Variants in SMC1B observed in about 807,000 individuals in gnomAD.
SMC1B encodes the protein structural maintenance of chromosomes 1B.
In SMC1B, 60 loss-of-function variants were observed where a neutral mutation model predicts 157.9. The observed-to-expected ratio is 0.38, with a 90% CI of 0.31 to 0.47. SMC1B has a LOEUF of 0.47. Ranked by LOEUF, SMC1B falls within the 20% of genes least tolerant of loss-of-function variation. SMC1B has a pLI of 0.99. For missense variants in SMC1B, 1,165 were observed against 1,426.2 expected, an observed-to-expected ratio of 0.82 and a Z score of 2.95; for synonymous variants, 445 against 483.0, an observed-to-expected ratio of 0.92 and a Z score of 1.03.
rs1326060327 is a variant in SMC1B at position 45,353,909 on chromosome 22, A to AC, written c.3273+68_3273+69insG. 1.3e-4 allele frequency: 90 copies of AC among 684,088 alleles called. 2 individuals carry two copies. In the Middle Eastern group the frequency reaches 2.9e-3, roughly 22 times the overall value. The allele number at this position is 684,088 out of a possible 1,614,324, so 42.4% of individuals were successfully genotyped here. On this transcript the variant is annotated intron_variant, in intron 21 of 24. Transcript: ENST00000357450. Reference sequence around the variant, plus strand: ...ATTTCCCACCAAAAAAAAAAAAAAAAAAAAAAAAAAACAACCACCACCGGT... The same window carrying AC: ...ATTTCCCACCAAAAAAAAAAAAAAAACAAAAAAAAAAACAACCACCACCGGT...
intron 10 of SMC1B, among the ~76,000 whole-genome samples, chr22:45,388,018 G>A (rs1440937037): frequency 2.8e-5 from 4 of 143,290 alleles, no homozygotes; most frequent in African/African-American, 1.1e-4. Flanking sequence ...GGTAACAAGG[G>A]TGAGCCTCTG....
chr22:45,379,742 T>G (rs1352032447), intron 12 of SMC1B, among the ~76,000 whole-genome samples: 2 of 145,302 alleles, frequency 1.4e-5, no homozygotes, highest in Non-Finnish European at 3.0e-5. Context: ...TTTTTTTTTT[T>G]TTTGAGACAG....
intron 10 of SMC1B, among the ~76,000 whole-genome samples, chr22:45,388,195 TAATAA>T (rs1470218678): frequency 2.0e-5 from 3 of 152,250 alleles, no homozygotes; most frequent in African/African-American, 7.2e-5. Context: ...TCTCACTTTT[TAATAA>T]AACAAAACAA....
In SMC1B at chr22:45,383,533, T is replaced by C. The variant is rs748922616; in HGVS notation, c.1992A>G (p.Arg664=). Residue 664 remains arginine, a synonymous_variant, in exon 12 of 25, where the codon AGA becomes AGG. Coordinates refer to ENST00000357450, the MANE Select transcript of SMC1B (RefSeq NM_148674.5). ...TCTTTAACTCTTTCTCATCCCAGCA[T>C]CTAGCCTTGTATTTTAAGTCACTTG... is the stretch of plus-strand genomic sequence containing the variant. ...GGSSDLKYKA[R]CWDEKELKNL... The C allele has an allele frequency of 8.1e-6, 13 of 1,610,548 alleles. No individual in the cohort carries two copies. Among genetic ancestry groups the C allele is most frequent in the Admixed American group, 1.7e-5 (1 of 58,796 alleles).
At chr22:45,404,691 TGGAAGCCCTGGCTCCCCC>T (rs1338466094) in intron 4 of SMC1B, among the ~76,000 whole-genome samples, 1 of 46,792 alleles carries the variant, frequency 2.1e-5, no homozygotes, top group Non-Finnish European at 3.4e-5. Flanking sequence ...ACCTATAACC[TGGAAGCCCTGGCTCCCCC>T]TCCTTTCCAG....
intron 19 of SMC1B, among the ~76,000 whole-genome samples, chr22:45,356,449 T>G (rs1015428200): frequency 1.3e-5 from 2 of 152,228 alleles, no homozygotes; most frequent in Non-Finnish European, 2.9e-5. Context: ...TAGTTTATTT[T>G]ACCAAGGTTA....
In SMC1B at chr22:45,413,520, C is replaced by A. The variant is rs751922372; in HGVS notation, c.48G>T (p.Arg16=). 1.2e-6 allele frequency: 2 copies of A among 1,612,182 alleles called. No individual in the cohort carries two copies. The highest frequency in any genetic ancestry group is 2.7e-5 in the African/African-American group (2 of 74,912). Residue 16 remains arginine, a synonymous_variant, in exon 1 of 25, where the codon CGG becomes CGT. Transcript: ENST00000357450. ...LLLVENFKSW[R]GRQVIGPFRR... ...GGAAGGGGCCAATGACCTGGCGGCC[C>A]CGCCACGACTTGAAATTTTCCACAA... is the stretch of plus-strand genomic sequence containing the variant.
At chr22:45,345,413 G>T in intron 24 of SMC1B, 46 bp downstream of exon 24, 1 of 1,188,204 alleles carries the variant, frequency 8.4e-7, no homozygotes. Context: ...GGTACTAAGG[G>T]AAGTTGGCAT....
intron 15 of SMC1B, among the ~76,000 whole-genome samples, chr22:45,366,675 A>T (rs963542280): frequency 2.6e-5 from 4 of 152,210 alleles, no homozygotes; most frequent in Non-Finnish European, 5.9e-5. Flanking sequence ...AGGTGCATGG[A>T]TCACCTGAGG....
intron 15 of SMC1B, among the ~76,000 whole-genome samples, chr22:45,366,599 T>C (rs1327669631): frequency 1.3e-5 from 2 of 152,054 alleles, no homozygotes; most frequent in Non-Finnish European, 2.9e-5. Flanking sequence ...GGCTTGAAAA[T>C]ACATTAAGTA....
In SMC1B at chr22:45,344,497, C is replaced by A; in HGVS notation, c.*59G>T. ...GCTCCAGAAGTCTCCTGTGGAGGAG[C>A]TGTGTGAGTATTAGAGTGGGAACTG... On this transcript the variant is annotated 3_prime_UTR_variant, in exon 25 of 25. Transcript: ENST00000357450. 8.3e-7 allele frequency: 1 copy of A among 1,211,004 alleles called. No homozygotes were observed. Among genetic ancestry groups the A allele is most frequent in the Non-Finnish European group, 1.2e-6 (1 of 817,112 alleles). 75.0% of individuals were successfully genotyped at this position (1,211,004 alleles called of 1,614,324 possible).
chr22:45,359,130 T>C (rs993431956), intron 18 of SMC1B, among the ~76,000 whole-genome samples: 8 of 152,106 alleles, frequency 5.3e-5, no homozygotes, highest in Admixed American at 5.2e-4. Context: ...GAGGCATGCA[T>C]GTATATGGGA....
At chr22:45,362,104 T>C (rs1569178700) in intron 16 of SMC1B, 120 bp from the exon 17 acceptor site, 6 of 1,010,634 alleles carry the variant, frequency 5.9e-6, no homozygotes, top group Non-Finnish European at 8.6e-6. Context: ...CCCTATGTGC[T>C]ACCTGACCTT....
chr22:45,406,191 G>A (rs542687173), intron 4 of SMC1B, among the ~76,000 whole-genome samples: 20 of 152,202 alleles, frequency 1.3e-4, no homozygotes, highest in African/African-American at 4.8e-4. Flanking sequence ...ACATCTGAGA[G>A]CCTTTGCCAC....
intron 21 of SMC1B, among the ~76,000 whole-genome samples, chr22:45,353,522 T>C (rs2146762795): frequency 6.6e-6 from 1 of 152,030 alleles, no homozygotes; most frequent in East Asian, 1.9e-4. Context: ...ATTAAAAGGG[T>C]CATATCTGAA....
chr22:45,386,554 A>G (rs985423278), intron 11 of SMC1B, among the ~76,000 whole-genome samples: 1 of 149,548 alleles, frequency 6.7e-6, no homozygotes, highest in Non-Finnish European at 1.5e-5. Context: ...TACCATATCC[A>G]GGGTCCATAT....
At chr22:45,401,389 G>A (rs926699563) in intron 5 of SMC1B, among the ~76,000 whole-genome samples, 12 of 152,176 alleles carry the variant, frequency 7.9e-5, no homozygotes, top group African/African-American at 2.9e-4. Flanking sequence ...AGTGAATGCC[G>A]GCAGCTGAGC....
At chr22:45,392,403 C>CT (rs889961231) in intron 9 of SMC1B, among the ~76,000 whole-genome samples, 136 of 142,568 alleles carry the variant, frequency 9.5e-4, no homozygotes, top group South Asian at 7.9e-3. Context: ...TACTTCAATA[C>CT]TTTTTTTTTT....
Position 45,352,458 on chromosome 22 carries a change from C to G in SMC1B, c.3418G>C (p.Val1140Leu). 1 of 1,613,472 alleles carries G rather than the reference C, an allele frequency of 6.2e-7. No individual in the cohort carries two copies. Among genetic ancestry groups the G allele is most frequent in the East Asian group, 2.2e-5 (1 of 44,878 alleles). The change falls in exon 22 of 25, where the codon GTG (valine) becomes CTG (leucine). Residue 1140 changes from valine (V) to leucine (L), a missense_variant. Transcript: ENST00000357450. Reference protein sequence around the residue: ...CVAALALLFAVHSFRPAPFFV... With the variant: ...CVAALALLFALHSFRPAPFFV... The stretch of plus-strand genomic sequence containing the variant: ...TAGCTTTTGTGACCTTACCTGTGCA[C>G]AGCAAACAGGAGAGCCAAGGCTGCC...
Sources: allele counts gnomAD v4.1 joint callset (sites outside exome capture counted in the v4.1 genomes callset), GRCh38; gene constraint gnomAD v4.1.1; transcripts MANE v1.5; gene names NCBI Gene and HGNC (gene_info 2026-07-23, HGNC 2026-07-21).